Variants in ANKRD42 observed in about 807,000 individuals in gnomAD.
ANKRD42 encodes the protein ankyrin repeat domain 42.
ANKRD42 carries 43 observed loss-of-function variants against 51.5 expected under a neutral mutation model. The observed-to-expected ratio is 0.83, with a 90% CI of 0.65 to 1.08. The LOEUF is 1.08. Ranked by LOEUF, ANKRD42 falls within the 50% of genes least tolerant of loss-of-function variation. ANKRD42 has a pLI of 0.00. For missense variants in ANKRD42, 608 were observed against 629.3 expected (o/e 0.97, Z 0.36); for synonymous variants, 203 against 213.0 (o/e 0.95, Z 0.41).
intron 8 of ANKRD42, among the ~76,000 whole-genome samples, chr11:83,237,171 T>G (rs1863248618): frequency 6.6e-6 from 1 of 152,190 alleles, no homozygotes; most frequent in Non-Finnish European, 1.5e-5. Context: ...CTCAAGGAGT[T>G]TACAGTATTG....
Position 83,216,470 on chromosome 11 carries a change from G to A in ANKRD42, c.586+5040G>A, listed in dbSNP as rs111695761. Among the ~76,000 whole-genome samples the A allele has an allele frequency of 9.1e-4, 139 of 152,064 alleles. 1 individual carries two copies. In the East Asian group the frequency reaches 0.023, roughly 26 times the overall value. ...CTCCCGAGTAGCTGGGACTACAGGC[G>A]CCCGCCACCTCGCCCGGCTAATTTT... On this transcript the variant is annotated intron_variant, in intron 5 of 10. Transcript: ENST00000533342.
At chr11:83,237,579 T>A (rs79972615) in intron 8 of ANKRD42, among the ~76,000 whole-genome samples, 1,816 of 152,350 alleles carry the variant, frequency 0.012, 9 homozygotes, top group Non-Finnish European at 0.019. Flanking sequence ...ATTTGCTAAG[T>A]TGCCATGCAA....
intron 7 of ANKRD42, among the ~76,000 whole-genome samples, chr11:83,231,319 G>C (rs752789926): frequency 2.0e-5 from 3 of 152,188 alleles, no homozygotes; most frequent in South Asian, 4.1e-4. Flanking sequence ...CCATGATGTT[G>C]AGTGCCTTTT....
intron 5 of ANKRD42, among the ~76,000 whole-genome samples, chr11:83,221,388 G>C (rs1191578433): frequency 2.0e-5 from 3 of 152,154 alleles, no homozygotes; most frequent in African/African-American, 7.2e-5. Context: ...TCAGTCAGTA[G>C]TTTATTGCTT....
At chr11:83,209,289 T>G in intron 3 of ANKRD42, 1 of 689,640 alleles carries the variant, frequency 1.5e-6, no homozygotes, top group South Asian at 1.7e-5. Flanking sequence ...AAGTGTCTTC[T>G]AGGCAATGTT....
At chr11:83,229,780 T>A (rs1328245886) in intron 7 of ANKRD42, among the ~76,000 whole-genome samples, 1 of 152,058 alleles carries the variant, frequency 6.6e-6, no homozygotes, top group Non-Finnish European at 1.5e-5. Context: ...TCAGATGGTG[T>A]GGTGGAGGGG....
chr11:83,257,423 G>A (rs141885656), downstream of ANKRD42: 3 of 415,390 alleles, frequency 7.2e-6, no homozygotes, highest in East Asian at 2.2e-4. Flanking sequence ...ATTGAAGTCA[G>A]AACTGAACTG....
In ANKRD42 at chr11:83,194,389, G is replaced by C. The variant is rs557464461; in HGVS notation, c.-282G>C. The C allele has an allele frequency of 1.5e-6, 1 of 651,298 alleles. No homozygotes were observed. Among genetic ancestry groups the C allele is most frequent in the Non-Finnish European group, 2.8e-6 (1 of 352,562 alleles). The allele number at this position is 651,298 out of a possible 1,614,324, so 40.3% of individuals were successfully genotyped here. ...CAGCGTTGGTAGTTCTTGGGAGGAA[G>C]TAAGTGGAGACCGCGGCTACGCAGC... On this transcript the variant is annotated 5_prime_UTR_variant, in exon 1 of 11. Transcript: ENST00000533342.
rs1183472287 is a variant in ANKRD42, at chr11:83,195,830, ACTCTCT to A, written c.58+1113_58+1118del. ...AACTGTATTCTTACATGATCTACCT[ACTCTCT>A]CTCTCTCTCTTTTTTTTTTTTTTTT... On this transcript the variant is annotated intron_variant, in intron 1 of 10. Coordinates refer to ENST00000533342, the MANE Select transcript of ANKRD42 (RefSeq NM_001300975.2). Among the ~76,000 whole-genome samples, 1,036 of 138,450 alleles carry A rather than the reference ACTCTCT, an allele frequency of 7.5e-3. 6 individuals are homozygous for A. The highest frequency in any genetic ancestry group is 0.027 in the African/African-American group (998 of 36,728). 90.8% of individuals were successfully genotyped at this position (138,450 alleles called of 152,430 possible).
exon 12 of ANKRD42, chr11:83,256,065 GTTATA>G (rs751720875): frequency 1.5e-4 from 95 of 622,904 alleles, no homozygotes; most frequent in Non-Finnish European, 2.3e-4. Context: ...TGGCAGAAAT[GTTATA>G]TTAAAGAGAT....
At chr11:83,254,418 TTTTTCTTTTTTC>T (rs1461556902) in intron 11 of ANKRD42, among the ~76,000 whole-genome samples, 19 of 134,136 alleles carry the variant, frequency 1.4e-4, no homozygotes, top group African/African-American at 5.5e-4. Flanking sequence ...CACCTGAGTG[TTTTTCTTTTTTC>T]TTTTCTTTTT....
intron 7 of ANKRD42, among the ~76,000 whole-genome samples, chr11:83,235,594 C>T (rs1863199820): frequency 6.6e-6 from 1 of 152,214 alleles, no homozygotes; most frequent in Non-Finnish European, 1.5e-5. Context: ...TTGCTGTCGT[C>T]TGAGGATATG....
At chr11:83,196,388 AGTGTGTGAGAGTGTGTGTGT>A (rs1861655073) in intron 1 of ANKRD42, among the ~76,000 whole-genome samples, 1 of 114,734 alleles carries the variant, frequency 8.7e-6, no homozygotes, top group African/African-American at 4.6e-5. Flanking sequence ...TTTGTGTGTG[AGTGTGTGAGAGTGTGTGTGT>A]GTGTGTGTGT....
chr11:83,196,256 T>A (rs1224699524), intron 1 of ANKRD42, among the ~76,000 whole-genome samples: 1 of 152,238 alleles, frequency 6.6e-6, no homozygotes, highest in African/African-American at 2.4e-5. Context: ...TTCTTCTGTT[T>A]AAAATTCCTC....
downstream of ANKRD42, among the ~76,000 whole-genome samples, chr11:83,263,103 A>G (rs1864028455): frequency 6.6e-6 from 1 of 152,102 alleles, no homozygotes; most frequent in Non-Finnish European, 1.5e-5. Context: ...TTCTCTTAAT[A>G]AAAAAACACA....
At position 83,194,652 on chromosome 11, in the gene ANKRD42, G is replaced by C. The variant is rs1861557313; in HGVS notation, c.-19G>C. The C allele has an allele frequency of 6.2e-7, 1 of 1,613,492 alleles. No individual in the cohort carries two copies. The highest frequency in any genetic ancestry group is 2.2e-5 in the East Asian group (1 of 44,884). ...GGGGCCTGGACTCAACTCCTCCCCA[G>C]AGTCGGAGGTGTTGCGCCATGCCCG... On this transcript the variant is annotated 5_prime_UTR_variant, in exon 1 of 11. Coordinates refer to ENST00000533342, the MANE Select transcript of ANKRD42 (RefSeq NM_001300975.2).
chr11:83,196,396 AGAGTGTGTGTGTGTGT>A (rs1278167126), intron 1 of ANKRD42, among the ~76,000 whole-genome samples: 14 of 133,036 alleles, frequency 1.1e-4, no homozygotes, highest in African/African-American at 3.5e-4. Flanking sequence ...TGAGTGTGTG[AGAGTGTGTGTGTGTGT>A]GTGTGTGTGT....
chr11:83,209,565 A>G (rs186740654), intron 3 of ANKRD42: 302 of 954,446 alleles, frequency 3.2e-4, no homozygotes, highest in Admixed American at 1.2e-3. Context: ...GGATGGGTCT[A>G]TTATATGATC....
downstream of ANKRD42, among the ~76,000 whole-genome samples, chr11:83,252,397 A>G (rs1324799956): frequency 6.6e-6 from 1 of 152,186 alleles, no homozygotes; most frequent in Non-Finnish European, 1.5e-5. Context: ...AAAATATATA[A>G]TGTTCTTGTC....
Sources: allele counts gnomAD v4.1 joint callset (sites outside exome capture counted in the v4.1 genomes callset), GRCh38; gene constraint gnomAD v4.1.1; transcripts MANE v1.5; gene names NCBI Gene and HGNC (gene_info 2026-07-23, HGNC 2026-07-21).